Variants in C12orf42 observed in about 807,000 individuals in gnomAD.
C12orf42 encodes the protein uncharacterized protein C12orf42.
Under a neutral mutation model 21.6 loss-of-function variants are expected in C12orf42, and 25 were observed. That is an observed-to-expected ratio of 1.16 (90% CI 0.84 to 1.62). The LOEUF (loss-of-function observed/expected upper bound fraction) is 1.62. Among genes scored for constraint, C12orf42 ranks in the 40% most tolerant of loss-of-function variants. The pLI is 0.00. For missense variants in C12orf42, 483 were observed against 459.3 expected, an observed-to-expected ratio of 1.05 and a Z score of -0.47; for synonymous variants, 174 against 175.0, an observed-to-expected ratio of 0.99 and a Z score of 0.05.
chr12:103,211,818 A>G, the C12orf42 span, among the ~76,000 whole-genome samples: 1 of 152,230 alleles, frequency 6.6e-6, no homozygotes, highest in Non-Finnish European at 1.5e-5. Flanking sequence ...GTAATAGATA[A>G]CTAATACACA....
At chr12:103,107,438 C>A in the C12orf42 span, among the ~76,000 whole-genome samples, 1 of 151,370 alleles carries the variant, frequency 6.6e-6, no homozygotes, top group Non-Finnish European at 1.5e-5. Context: ...TACCTTGGCA[C>A]GAGTAAGTAT....
At chr12:103,264,374 G>T (rs563246574), downstream of C12orf42, among the ~76,000 whole-genome samples, 3 of 152,158 alleles carry the variant, frequency 2.0e-5, no homozygotes, top group African/African-American at 7.2e-5. Context: ...ATTCAGAGTG[G>T]GCTGCTCATT....
chr12:103,401,446 G>A (rs1395146791), intron 3 of C12orf42, among the ~76,000 whole-genome samples, 161 bp downstream of exon 3: 1 of 152,118 alleles, frequency 6.6e-6, no homozygotes, highest in African/African-American at 2.4e-5. Context: ...AGTTTTCTAG[G>A]AAATGTCTTT....
At chr12:103,552,090 G>A in the C12orf42 span, among the ~76,000 whole-genome samples, 1 of 151,998 alleles carries the variant, frequency 6.6e-6, no homozygotes, top group Non-Finnish European at 1.5e-5. Context: ...CCTTGACCTT[G>A]AGGTTTGCTT....
chr12:103,527,715 G>A, the C12orf42 span, among the ~76,000 whole-genome samples: 1 of 152,192 alleles, frequency 6.6e-6, no homozygotes, highest in South Asian at 2.1e-4. Context: ...CATCTCTCAG[G>A]GGGCCAGAAC....
intron 10 of C12orf42, among the ~76,000 whole-genome samples, chr12:103,243,649 G>T (rs2033865163): frequency 6.6e-6 from 1 of 151,884 alleles, no homozygotes; most frequent in South Asian, 2.1e-4. Flanking sequence ...GCTTCTCTTT[G>T]TTAGCAAAAC....
rs1342106011 is a variant in C12orf42 at position 103,306,006 on chromosome 12, C to A, written c.599G>T (p.Gly200Val). 6.2e-7 allele frequency: 1 copy of A among 1,612,192 alleles called. No homozygotes were observed. Among genetic ancestry groups the A allele is most frequent in the Non-Finnish European group, 8.5e-7 (1 of 1,178,366 alleles). ...TTTCTTGGGACTGCTCAAGGGCTGG[C>A]CCTTAGGTCTTGTGTGTCTACTGAT... is the stretch of plus-strand genomic sequence containing the variant. Reference protein sequence around the residue: ...IHISRHTRPKGQPLSSPKKNS... With the variant: ...IHISRHTRPKVQPLSSPKKNS... The change falls in exon 5 of 6, where the codon GGC becomes GTC. Residue 200 changes from glycine to valine, a missense_variant. Gly to Val is a moderately radical substitution (Grantham distance 109, BLOSUM62 -3). Transcript: ENST00000548883.
At chr12:103,168,981 A>C in the C12orf42 span, among the ~76,000 whole-genome samples, 6 of 151,896 alleles carry the variant, frequency 4.0e-5, no homozygotes, top group African/African-American at 1.5e-4. Context: ...GGGCACAGGG[A>C]GGGGAACATC....
intron 4 of C12orf42, among the ~76,000 whole-genome samples, chr12:103,290,381 G>A (rs1418901001): frequency 6.6e-6 from 1 of 152,166 alleles, no homozygotes; most frequent in Non-Finnish European, 1.5e-5. Flanking sequence ...CCAGACAATA[G>A]GAAGGTCTCT....
At chr12:103,142,959 T>A in the C12orf42 span, among the ~76,000 whole-genome samples, 1 of 152,130 alleles carries the variant, frequency 6.6e-6, no homozygotes, top group African/African-American at 2.4e-5. Context: ...AACTGCATTG[T>A]GGGGAAGCCT....
intron 3 of C12orf42, among the ~76,000 whole-genome samples, chr12:103,381,111 A>G (rs888624734): frequency 6.6e-6 from 1 of 152,210 alleles, no homozygotes; most frequent in African/African-American, 2.4e-5. Flanking sequence ...CTGAAGCAAA[A>G]GGAAATGTAT....
intron 4 of C12orf42, among the ~76,000 whole-genome samples, chr12:103,281,084 T>A (rs774262008): frequency 5.9e-5 from 9 of 152,224 alleles, no homozygotes; most frequent in Non-Finnish European, 1.0e-4. Flanking sequence ...ATACTTGAGT[T>A]GACTGTATGA....
the C12orf42 span, among the ~76,000 whole-genome samples, chr12:103,525,723 T>C: frequency 5.9e-4 from 90 of 152,284 alleles, no homozygotes; most frequent in African/African-American, 2.1e-3. Flanking sequence ...GTCAATATGA[T>C]GCATCCAGTA....
chr12:103,153,402 T>C, the C12orf42 span, among the ~76,000 whole-genome samples: 1 of 152,010 alleles, frequency 6.6e-6, no homozygotes, highest in Non-Finnish European at 1.5e-5. Context: ...ACCTACAGAG[T>C]GGGAGAAGAT....
At chr12:103,109,007 G>A in the C12orf42 span, among the ~76,000 whole-genome samples, 224 of 152,220 alleles carry the variant, frequency 1.5e-3, 2 homozygotes, top group Non-Finnish European at 2.6e-3. Context: ...TAATATCATA[G>A]GATGTTAATT....
chr12:103,099,128 T>C, the C12orf42 span, among the ~76,000 whole-genome samples: 1 of 152,242 alleles, frequency 6.6e-6, no homozygotes, highest in Non-Finnish European at 1.5e-5. Context: ...ATTTAACTAC[T>C]GTATCCTAAA....
chr12:103,177,901 CTT>C, the C12orf42 span, among the ~76,000 whole-genome samples: 59 of 152,080 alleles, frequency 3.9e-4, no homozygotes, highest in Middle Eastern at 3.4e-3. Context: ...CAGTGCATCT[CTT>C]AGCCTCACGA....
At chr12:103,415,032 G>A (rs1207061644) in intron 2 of C12orf42, among the ~76,000 whole-genome samples, 2 of 151,904 alleles carry the variant, frequency 1.3e-5, no homozygotes, top group African/African-American at 4.8e-5. Flanking sequence ...TGTCTTACAT[G>A]TAACAACACC....
intron 10 of C12orf42, among the ~76,000 whole-genome samples, chr12:103,262,853 C>T (rs999962277): frequency 3.3e-5 from 5 of 152,122 alleles, no homozygotes; most frequent in African/African-American, 4.8e-5. Flanking sequence ...CACATGCACA[C>T]GTATGTTTAT....
Sources: allele counts gnomAD v4.1 joint callset (sites outside exome capture counted in the v4.1 genomes callset), GRCh38; gene constraint gnomAD v4.1.1; transcripts MANE v1.5; gene names NCBI Gene and HGNC (gene_info 2026-07-23, HGNC 2026-07-21).